Variants in SIN3A observed in about 807,000 individuals in gnomAD.
The protein encoded by SIN3A is paired amphipathic helix protein Sin3a.
Under a neutral mutation model 146.1 loss-of-function variants are expected in SIN3A, and 14 were observed. That is an observed-to-expected ratio of 0.10 (90% CI 0.06 to 0.15). The LOEUF is 0.15. Ranked by LOEUF, SIN3A falls within the 10% of genes least tolerant of loss-of-function variation. SIN3A has a pLI of 1.00. For synonymous variants in SIN3A, 572 were observed against 572.0 expected, an observed-to-expected ratio of 1.00 and a Z score of 0.00; for missense variants, 1,028 against 1,576.0, an observed-to-expected ratio of 0.65 and a Z score of 5.89.
At chr15:75,432,010 T>C (rs899224740) in intron 1 of SIN3A, among the ~76,000 whole-genome samples, 2 of 152,228 alleles carry the variant, frequency 1.3e-5, no homozygotes, top group African/African-American at 4.8e-5. Flanking sequence ...TGTGATAATA[T>C]GTGGAACTCA....
At chr15:75,408,374 T>C (rs1184589203) in intron 8 of SIN3A, among the ~76,000 whole-genome samples, 4 of 152,234 alleles carry the variant, frequency 2.6e-5, no homozygotes, top group Non-Finnish European at 5.9e-5. Flanking sequence ...AAAGGATACT[T>C]CAAAAGTGTC....
Position 75,384,363 on chromosome 15 carries a change from G to A in SIN3A, c.3096C>T (p.Ala1032=), listed in dbSNP as rs750561401. The A allele has an allele frequency of 2.5e-5, 40 of 1,613,494 alleles. No individual in the cohort carries two copies. The Admixed American group carries it at 4.7e-4, about 19-fold the overall frequency. Residue 1032 remains alanine (A), a synonymous_variant, in exon 17 of 21, where the codon GCC becomes GCT. Coordinates refer to ENST00000394947, the MANE Select transcript of SIN3A (RefSeq NM_001145358.2). ...TCTGTGTGTTCAGCTGGCCTCCGGTGGCCCCATTATTATTTTCTGCCAGGT... is the reference window on the plus strand; with the variant it reads ...TCTGTGTGTTCAGCTGGCCTCCGGTAGCCCCATTATTATTTTCTGCCAGGT... ...DLYLAENNNG[A]TGGQLNTQNS... is the part of the protein sequence containing the mutation.
At chr15:75,394,387 GTAT>G (rs1449003094) in intron 14 of SIN3A, among the ~76,000 whole-genome samples, 3 of 152,198 alleles carry the variant, frequency 2.0e-5, no homozygotes, top group South Asian at 2.1e-4. Context: ...TGGATACAAG[GTAT>G]TATTGTTTGA....
At chr15:75,409,721 G>C (rs749498314) in intron 8 of SIN3A, 115 bp downstream of exon 8, 1 of 1,144,284 alleles carries the variant, frequency 8.7e-7, no homozygotes, top group Non-Finnish European at 1.3e-6. Flanking sequence ...AGCGAGACTC[G>C]GTCTCAAAAA....
At chr15:75,392,194 G>A in intron 15 of SIN3A, 48 bp downstream of exon 15, 1 of 1,554,428 alleles carries the variant, frequency 6.4e-7, no homozygotes, top group East Asian at 2.2e-5. Flanking sequence ...TGGCTCTAAG[G>A]TCCTCAACCT....
At chr15:75,383,809 T>C (rs1250965918) in intron 17 of SIN3A, among the ~76,000 whole-genome samples, 1 of 152,158 alleles carries the variant, frequency 6.6e-6, no homozygotes, top group Non-Finnish European at 1.5e-5. Flanking sequence ...CTTGTATTTC[T>C]TGCAGAGATG....
At position 75,371,005 on chromosome 15, in the gene SIN3A, GT is replaced by G. The variant is rs2072741632; in HGVS notation, c.*973del. The G allele has an allele frequency of 1.3e-5, 2 of 151,038 alleles. No homozygotes were observed. The highest frequency in any genetic ancestry group is 4.2e-4 in the South Asian group (2 of 4,762). 9.4% of individuals were successfully genotyped at this position (151,038 alleles called of 1,614,324 possible). A position where few individuals can be genotyped will look rare whatever the true frequency, so the allele number is the denominator to read the frequency against. ...AAGTTGGGGGCAAAGGGGAAGACAAGTTTTACACAAAAGTACTACAATGGTA... is the reference window on the plus strand; with the variant it reads ...AAGTTGGGGGCAAAGGGGAAGACAAGTTTACACAAAAGTACTACAATGGTA... On this transcript the variant is annotated 3_prime_UTR_variant, in exon 21 of 21. Coordinates refer to ENST00000394947, the MANE Select transcript of SIN3A (RefSeq NM_001145358.2).
chr15:75,390,710 T>C (rs1422153742), intron 15 of SIN3A, among the ~76,000 whole-genome samples: 1 of 152,202 alleles, frequency 6.6e-6, no homozygotes, highest in Non-Finnish European at 1.5e-5. Flanking sequence ...CAATTCTGAT[T>C]TGTATACTTT....
chr15:75,394,098 G>A (rs1429457120), intron 14 of SIN3A, among the ~76,000 whole-genome samples: 1 of 152,136 alleles, frequency 6.6e-6, no homozygotes, highest in Non-Finnish European at 1.5e-5. Flanking sequence ...ATGAGCCACT[G>A]TGCCCGGCCT....
At chr15:75,430,782 T>TC in intron 1 of SIN3A, among the ~76,000 whole-genome samples, 1 of 151,900 alleles carries the variant, frequency 6.6e-6, no homozygotes, top group East Asian at 2.0e-4. Context: ...AAGTGCTTCT[T>TC]CTTTTTTTTT....
intron 8 of SIN3A, among the ~76,000 whole-genome samples, chr15:75,408,732 T>C (rs1477040586): frequency 1.3e-5 from 2 of 152,210 alleles, no homozygotes; most frequent in African/African-American, 4.8e-5. Context: ...GAGATTAAGA[T>C]GATACACATA....
intron 19 of SIN3A, among the ~76,000 whole-genome samples, chr15:75,376,684 C>T (rs1013474485): frequency 7.6e-6 from 1 of 130,836 alleles, no homozygotes; most frequent in African/African-American, 3.1e-5. Flanking sequence ...TGGCAAAAAC[C>T]CCTTCTCTAC....
At chr15:75,436,112 C>T (rs2074103023) in intron 1 of SIN3A, among the ~76,000 whole-genome samples, 1 of 145,198 alleles carries the variant, frequency 6.9e-6, no homozygotes, top group Non-Finnish European at 1.5e-5. Context: ...CCGGCCTGGG[C>T]AACAGAGTGA....
chr15:75,396,844 C>A (rs1311458762), intron 12 of SIN3A, among the ~76,000 whole-genome samples: 2 of 152,138 alleles, frequency 1.3e-5, no homozygotes, highest in Non-Finnish European at 2.9e-5. Context: ...GATTTTAGAC[C>A]AGAGGAACCA....
intron 9 of SIN3A, among the ~76,000 whole-genome samples, chr15:75,403,718 G>C (rs1480848574): frequency 6.6e-6 from 1 of 151,720 alleles, no homozygotes; most frequent in African/African-American, 2.4e-5. Context: ...TGTTTTTTTT[G>C]TATTTTTAGT....
intron 4 of SIN3A, 105 bp downstream of exon 4, chr15:75,414,100 T>C (rs2073692001): frequency 6.2e-6 from 3 of 485,830 alleles, no homozygotes; most frequent in African/African-American, 2.0e-5. Flanking sequence ...AAAATTCAGC[T>C]GCAAAAAGGA....
intron 3 of SIN3A, among the ~76,000 whole-genome samples, chr15:75,418,045 T>A (rs1044531897): frequency 3.9e-5 from 6 of 152,170 alleles, no homozygotes; most frequent in Admixed American, 1.3e-4. Flanking sequence ...TATTATTATT[T>A]TTTTAGATGA....
intron 10 of SIN3A, 45 bp downstream of exon 10, chr15:75,401,807 G>A: frequency 9.1e-7 from 1 of 1,098,242 alleles, no homozygotes; most frequent in Non-Finnish European, 1.4e-6. Flanking sequence ...AACATTACCT[G>A]GTCTCCATAT....
rs905606849 is a variant in SIN3A, at chr15:75,399,929, A to C, written c.1854+111T>G. 8 of 696,680 alleles carry C rather than the reference A, an allele frequency of 1.1e-5. No individual in the cohort carries two copies. The African/African-American group carries it at 1.2e-4, about 11-fold the overall frequency. The allele number at this position is 696,680 out of a possible 1,614,324, so 43.2% of individuals were successfully genotyped here. A position where few individuals can be genotyped will look rare whatever the true frequency, so the allele number is the denominator to read the frequency against. On this transcript the variant is annotated intron_variant, in intron 12 of 20. Transcript: ENST00000394947. ...TACCACAACAAGCACTTACCATAGA[A>C]GAATGTGAGCCTTTGGCTCTTCCAT... is the stretch of plus-strand genomic sequence containing the variant.
Sources: allele counts gnomAD v4.1 joint callset (sites outside exome capture counted in the v4.1 genomes callset), GRCh38; gene constraint gnomAD v4.1.1; transcripts MANE v1.5; gene names NCBI Gene and HGNC (gene_info 2026-07-23, HGNC 2026-07-21).